SEZ6: variants seen among roughly 807,000 people sequenced by gnomAD.
SEZ6 encodes the protein seizure protein 6 homolog.
A neutral mutation model predicts 101.0 loss-of-function variants in SEZ6; 53 were observed. The ratio of observed to expected loss-of-function variants is 0.52; its 90% CI spans 0.42 to 0.66. The LOEUF (loss-of-function observed/expected upper bound fraction) is 0.66. Among genes scored for constraint, SEZ6 ranks in the 30% least tolerant of loss-of-function variants. The probability of loss-of-function intolerance (pLI) is 0.00; values close to 1 mark genes in which losing one functional copy is unlikely to be tolerated. For synonymous variants in SEZ6, 488 were observed against 512.2 expected (o/e 0.95, Z 0.64); for missense variants, 1,102 against 1,289.4 (o/e 0.85, Z 2.23).
At chr17:28,989,001 C>G (rs895713778) in intron 1 of SEZ6, among the ~76,000 whole-genome samples, 2 of 152,188 alleles carry the variant, frequency 1.3e-5, no homozygotes, top group Admixed American at 6.5e-5. Flanking sequence ...CTTAGCCATC[C>G]TGGTTGGGGA....
At chr17:28,987,870 C>T (rs1025384453) in intron 1 of SEZ6, among the ~76,000 whole-genome samples, 2 of 152,318 alleles carry the variant, frequency 1.3e-5, no homozygotes, top group Non-Finnish European at 1.5e-5. Context: ...GGCAGAGCCT[C>T]GGACTGGAAC....
At chr17:28,979,883 G>C in intron 2 of SEZ6, 70 bp from the exon 3 acceptor site, 3 of 403,978 alleles carry the variant, frequency 7.4e-6, no homozygotes, top group Non-Finnish European at 9.4e-6. Flanking sequence ...GCTGAACCGT[G>C]TGTGTGTGTG....
intron 5 of SEZ6, 48 bp downstream of exon 5, chr17:28,963,914 C>T: frequency 1.3e-6 from 2 of 1,564,372 alleles, no homozygotes; most frequent in Non-Finnish European, 1.7e-6. Flanking sequence ...GATGAGCCCC[C>T]ACCTCACTTC....
chr17:28,958,912 G>A, intron 10 of SEZ6, 113 bp downstream of exon 10: 2 of 1,207,510 alleles, frequency 1.7e-6, no homozygotes, highest in Non-Finnish European at 2.3e-6. Flanking sequence ...GATCCCTGGT[G>A]CTTTTCCAGC....
At chr17:28,982,781 C>T (rs1310659314) in intron 1 of SEZ6, among the ~76,000 whole-genome samples, 1 of 152,042 alleles carries the variant, frequency 6.6e-6, no homozygotes, top group Non-Finnish European at 1.5e-5. Context: ...CAGCCACAGT[C>T]CCCACACCCC....
At chr17:28,973,982 C>T (rs2041186974) in intron 3 of SEZ6, among the ~76,000 whole-genome samples, 1 of 152,162 alleles carries the variant, frequency 6.6e-6, no homozygotes, top group South Asian at 2.1e-4. Flanking sequence ...GGAAATACAG[C>T]CACTTTGAGA....
intron 4 of SEZ6, among the ~76,000 whole-genome samples, chr17:28,967,625 G>A (rs114029978): frequency 6.6e-6 from 1 of 152,122 alleles, no homozygotes; most frequent in East Asian, 1.9e-4. Flanking sequence ...GTTAACTGAC[G>A]CCTAGTGGGG....
rs145075693 is a variant in SEZ6 at position 28,964,208 on chromosome 17, A to G, written c.1055-61T>C. The G allele has an allele frequency of 3.4e-6, 5 of 1,465,326 alleles. No individual in the cohort carries two copies. In the East Asian group the frequency reaches 1.3e-4, roughly 37 times the overall value. The allele number at this position is 1,465,326 out of a possible 1,614,324, so 90.8% of individuals were successfully genotyped here. ...GCAGGGTGGGGGCGGGAGCTGGGCC[A>G]TTGGTTGGGGGAGGTCTGCCTCAGT... On this transcript the variant is annotated intron_variant, in intron 4 of 16. Transcript: ENST00000317338.
Position 28,957,948 on chromosome 17 carries a change from C to T in SEZ6, c.2301G>A (p.Arg767=), listed in dbSNP as rs755785144. The part of the protein sequence containing the change: ...TWSEDLPSCQ[R]VTSCHDPGDV... ...AGCGTGGGGAACAGGTATACTCACC[C>T]CTCTGGCATGAGGGCAGGTCCTCAC... Residue 767 remains arginine, a splice_region_variant and synonymous_variant, in exon 11 of 17, where the codon AGG becomes AGA. Coordinates refer to ENST00000317338, the MANE Select transcript of SEZ6 (RefSeq NM_178860.5). 3 of 1,612,950 alleles carry T rather than the reference C, an allele frequency of 1.9e-6. No individual in the cohort carries two copies. The South Asian group carries it at 3.3e-5, about 18-fold the overall frequency.
In SEZ6 at chr17:28,979,589, T is replaced by G. The variant is rs77866457; in HGVS notation, c.858+91A>C. The G allele has an allele frequency of 3.0e-3, 4,690 of 1,569,274 alleles. 129 individuals carry two copies. The African/African-American group carries it at 0.056, about 19-fold the overall frequency. ...GATGCCCCACAATTGATGCCCCTAA[T>G]CATCCCCACATCCTCTCATAGCATG... is the stretch of plus-strand genomic sequence containing the variant. On this transcript the variant is annotated intron_variant, in intron 3 of 16. Transcript: ENST00000317338.
intron 3 of SEZ6, among the ~76,000 whole-genome samples, chr17:28,977,484 C>T (rs533404969): frequency 1.3e-5 from 2 of 152,336 alleles, no homozygotes; most frequent in South Asian, 2.1e-4. Flanking sequence ...GGCAGGTCTT[C>T]GTCTCAAGGT....
At chr17:28,991,942 C>T (rs967887154) in intron 1 of SEZ6, among the ~76,000 whole-genome samples, 1 of 152,208 alleles carries the variant, frequency 6.6e-6, no homozygotes, top group Non-Finnish European at 1.5e-5. Context: ...CACTTAGCTT[C>T]GTACTTTGCC....
chr17:29,000,261 G>A (rs1487626230), intron 1 of SEZ6, among the ~76,000 whole-genome samples: 1 of 152,238 alleles, frequency 6.6e-6, no homozygotes, highest in African/African-American at 2.4e-5. Context: ...AGTGCTAGCT[G>A]AAGCCAGGTT....
intron 1 of SEZ6, among the ~76,000 whole-genome samples, chr17:28,985,837 C>G (rs750534216): frequency 3.9e-5 from 6 of 152,244 alleles, no homozygotes; most frequent in Admixed American, 3.9e-4. Flanking sequence ...CCCTGCATGT[C>G]GGTGGGGGAC....
intron 7 of SEZ6, chr17:28,960,152 A>G: frequency 1.7e-6 from 1 of 580,010 alleles, no homozygotes; most frequent in South Asian, 2.1e-5. Context: ...TACTCCATAC[A>G]TGTTTTTTGA....
chr17:28,962,533 C>A (rs2040994675), intron 5 of SEZ6, among the ~76,000 whole-genome samples: 1 of 152,106 alleles, frequency 6.6e-6, no homozygotes, highest in Non-Finnish European at 1.5e-5. Flanking sequence ...AATCCCAGCA[C>A]TTTGGGAGGC....
At chr17:28,997,605 T>G (rs2041559717) in intron 1 of SEZ6, among the ~76,000 whole-genome samples, 1 of 152,130 alleles carries the variant, frequency 6.6e-6, no homozygotes, top group Admixed American at 6.5e-5. Flanking sequence ...ATTCAGCCCC[T>G]CCAGAGATGC....
At position 28,969,969 on chromosome 17, in the gene SEZ6, G is replaced by A; in HGVS notation, c.859-17C>T. 6.6e-7 allele frequency: 1 copy of A among 1,518,284 alleles called. No homozygotes were observed. Among genetic ancestry groups the A allele is most frequent in the African/African-American group, 1.5e-5 (1 of 68,530 alleles). The allele number at this position is 1,518,284 out of a possible 1,614,324, so 94.1% of individuals were successfully genotyped here. A position where few individuals can be genotyped will look rare whatever the true frequency, so the allele number is the denominator to read the frequency against. On this transcript the variant is annotated splice_polypyrimidine_tract_variant and intron_variant, in intron 3 of 16. Coordinates refer to ENST00000317338, the MANE Select transcript of SEZ6 (RefSeq NM_178860.5). The stretch of plus-strand genomic sequence containing the variant: ...ATTCTGGACCTGTCAGTAGAGTAGA[G>A]AGAGAAAAGCAAAGTAGTCAGACTT...
intron 4 of SEZ6, among the ~76,000 whole-genome samples, chr17:28,966,735 GC>G (rs2041074586): frequency 6.6e-6 from 1 of 151,568 alleles, no homozygotes; most frequent in Non-Finnish European, 1.5e-5. Context: ...AGAAAAATGG[GC>G]CCTCTTTCTT....
Sources: allele counts gnomAD v4.1 joint callset (sites outside exome capture counted in the v4.1 genomes callset), GRCh38; gene constraint gnomAD v4.1.1; transcripts MANE v1.5; gene names NCBI Gene and HGNC (gene_info 2026-07-23, HGNC 2026-07-21).